Variants in PLA2G4C observed in about 807,000 individuals in gnomAD.
PLA2G4C encodes phospholipase A2 group IVC.
PLA2G4C carries 64 observed loss-of-function variants against 73.8 expected under a neutral mutation model. The ratio of observed to expected loss-of-function variants is 0.87; its 90% CI spans 0.71 to 1.07. The LOEUF (loss-of-function observed/expected upper bound fraction) is 1.07. PLA2G4C is among the 50% of genes least tolerant of loss of function. The pLI is 0.00. For synonymous variants in PLA2G4C, 254 were observed against 252.1 expected, an observed-to-expected ratio of 1.01 and a Z score of -0.07; for missense variants, 622 against 665.4, an observed-to-expected ratio of 0.93 and a Z score of 0.72.
At chr19:48,109,339 G>A (rs536856128) in intron 1 of PLA2G4C, among the ~76,000 whole-genome samples, 20 of 150,990 alleles carry the variant, frequency 1.3e-4, no homozygotes, top group East Asian at 5.9e-4. Flanking sequence ...TGGTGTGATC[G>A]TGGCTCACTG....
chr19:48,106,202 C>T (rs1384698736), intron 2 of PLA2G4C, among the ~76,000 whole-genome samples: 1 of 150,974 alleles, frequency 6.6e-6, no homozygotes, highest in Non-Finnish European at 1.5e-5. Context: ...CATGTCTCAG[C>T]CTCCTAAGTA....
Position 48,053,002 on chromosome 19 carries a change from C to T in PLA2G4C, c.1575G>A (p.Val525=). The T allele has an allele frequency of 6.2e-7, 1 of 1,607,704 alleles. No individual in the cohort carries two copies. Among genetic ancestry groups the T allele is most frequent in the Non-Finnish European group, 8.5e-7 (1 of 1,175,244 alleles). The part of the protein sequence containing the change: ...KKKILRELMN[V]AGLYYPKDSA... ...GACTATGGTCTCCCACCTACCCGGCCACGTTCATCAACTCTCTAAGGATCT... is the reference window on the plus strand; with the variant it reads ...GACTATGGTCTCCCACCTACCCGGCTACGTTCATCAACTCTCTAAGGATCT... Residue 525 remains valine (V), a synonymous_variant, in exon 16 of 17, where the codon GTG becomes GTA. Transcript: ENST00000599921.
intron 8 of PLA2G4C, among the ~76,000 whole-genome samples, chr19:48,089,441 CAA>C (rs960481809): frequency 6.6e-6 from 1 of 151,968 alleles, no homozygotes; most frequent in African/African-American, 2.4e-5. Context: ...CAAAAAAAGT[CAA>C]AGTGTAAGAA....
intron 15 of PLA2G4C, among the ~76,000 whole-genome samples, chr19:48,054,480 T>A (rs1475206855): frequency 2.7e-5 from 4 of 150,740 alleles, no homozygotes; most frequent in Admixed American, 6.6e-5. Context: ...TTTATTTTTT[T>A]TTGTTGTTGT....
intron 4 of PLA2G4C, among the ~76,000 whole-genome samples, chr19:48,101,072 G>A (rs1198930701): frequency 3.4e-5 from 5 of 146,104 alleles, no homozygotes; most frequent in African/African-American, 1.3e-4. Flanking sequence ...ACTCATGGCA[G>A]AAGGCAAGGG....
chr19:48,061,591 A>G, intron 14 of PLA2G4C: 1 of 204,606 alleles, frequency 4.9e-6, no homozygotes, highest in South Asian at 7.1e-5. Flanking sequence ...CTCAGCAAAC[A>G]TTTATTGAGG....
intron 10 of PLA2G4C, among the ~76,000 whole-genome samples, chr19:48,082,445 T>C (rs138568764): frequency 6.6e-6 from 1 of 151,828 alleles, no homozygotes; most frequent in East Asian, 1.9e-4. Context: ...AATTTTTGAA[T>C]TGTCAATAAA....
intron 6 of PLA2G4C, among the ~76,000 whole-genome samples, chr19:48,097,301 G>A (rs1320406210): frequency 8.5e-5 from 11 of 130,018 alleles, no homozygotes; most frequent in Admixed American, 8.0e-4. Context: ...CGCCCAGGCT[G>A]GAGTGCTGTG....
intron 7 of PLA2G4C, among the ~76,000 whole-genome samples, chr19:48,091,231 G>A (rs2122632558): frequency 1.3e-5 from 2 of 152,210 alleles, no homozygotes; most frequent in Admixed American, 1.3e-4. Context: ...TGTTGCCCAG[G>A]CTGGAGTGCA....
intron 12 of PLA2G4C, among the ~76,000 whole-genome samples, chr19:48,069,453 G>C (rs562741988): frequency 1.1e-3 from 169 of 152,228 alleles, no homozygotes; most frequent in African/African-American, 3.9e-3. Flanking sequence ...CATTATCCCA[G>C]ACGCCTGCCT....
intron 1 of PLA2G4C, 67 bp from the exon 2 acceptor site, chr19:48,106,628 G>T: frequency 1.6e-6 from 2 of 1,268,956 alleles, no homozygotes; most frequent in Non-Finnish European, 2.3e-6. Context: ...AGTGGGGGAG[G>T]GCTGGGACTG....
At chr19:48,097,995 T>C in intron 6 of PLA2G4C, 144 bp downstream of exon 6, 1 of 854,384 alleles carries the variant, frequency 1.2e-6, no homozygotes. Context: ...TTCTCTCGTC[T>C]AAGCTGAGCA....
chr19:48,093,823 C>T lies in PLA2G4C; in HGVS notation c.709+1641G>A, dbSNP rs111665037. On this transcript the variant is annotated intron_variant, in intron 7 of 16. Coordinates refer to ENST00000599921, the MANE Select transcript of PLA2G4C (RefSeq NM_003706.3). Reference sequence around the variant, plus strand: ...TAATCAGATCATGGGGGCAGATCCCCCCATGCTGTACTCGTGATAGCGAGT... The same window carrying T: ...TAATCAGATCATGGGGGCAGATCCCTCCATGCTGTACTCGTGATAGCGAGT... Among the ~76,000 whole-genome samples the T allele has an allele frequency of 2.0e-5, 3 of 152,268 alleles. 1 individual carries two copies. The highest frequency in any genetic ancestry group is 7.2e-5 in the African/African-American group (3 of 41,562).
At chr19:48,108,317 T>A (rs1379305543) in intron 1 of PLA2G4C, among the ~76,000 whole-genome samples, 3 of 151,986 alleles carry the variant, frequency 2.0e-5, no homozygotes, top group Admixed American at 2.0e-4. Context: ...AATTTTTTTG[T>A]AGAGATTGAG....
intron 14 of PLA2G4C, among the ~76,000 whole-genome samples, chr19:48,057,745 C>T (rs551482133): frequency 6.6e-6 from 1 of 151,092 alleles, no homozygotes; most frequent in South Asian, 2.1e-4. Context: ...CTGCCTCTAC[C>T]TCCCAAAGTG....
intron 12 of PLA2G4C, among the ~76,000 whole-genome samples, chr19:48,068,324 A>C (rs1271717668): frequency 3.0e-5 from 4 of 134,056 alleles, no homozygotes; most frequent in African/African-American, 5.2e-5. Flanking sequence ...AAAAAAAAAA[A>C]AGTGGGGGGG....
chr19:48,090,585 G>A (rs552447112), intron 7 of PLA2G4C, 168 bp from the exon 8 acceptor site: 7 of 627,176 alleles, frequency 1.1e-5, no homozygotes, highest in Non-Finnish European at 2.0e-5. Context: ...TGGGCACCCG[G>A]CACTCTTCTG....
rs1170687138 is a variant in PLA2G4C at position 48,090,378 on chromosome 19, C to T, written c.749G>A (p.Arg250Lys). ...GSALGNTEVIREYIFDQLRNL... is the reference protein window; with the variant it reads ...GSALGNTEVIKEYIFDQLRNL... The stretch of plus-strand genomic sequence containing the variant: ...CAAATACTCACCAAAAATGTATTCC[C>T]TAATGACTTCAGTGTTACCAAGAGC... The change falls in exon 8 of 17, where the codon AGG becomes AAG. Residue 250 changes from arginine to lysine, a missense_variant. Arg to Lys is a conservative substitution (Grantham distance 26). Transcript: ENST00000599921. The T allele has an allele frequency of 6.2e-7, 1 of 1,611,922 alleles. No homozygotes were observed. The highest frequency in any genetic ancestry group is 8.5e-7 in the Non-Finnish European group (1 of 1,177,990).
chr19:48,083,410 G>A (rs111393969), intron 10 of PLA2G4C, among the ~76,000 whole-genome samples: 1 of 65,464 alleles, frequency 1.5e-5, no homozygotes, highest in African/African-American at 5.6e-5. Flanking sequence ...TTTTTTTTTT[G>A]TTTGTTTCAT....
Sources: gnomAD v4.1 joint callset for allele counts (sites outside exome capture counted in the v4.1 genomes callset) on GRCh38, gnomAD v4.1.1 for gene constraint, MANE v1.5 for transcripts, NCBI Gene and HGNC (gene_info 2026-07-23, HGNC 2026-07-21) for gene names.